Variants in RPIA observed in about 807,000 individuals in gnomAD.
RPIA encodes ribose-5-phosphate isomerase.
Under a neutral mutation model 37.8 loss-of-function variants are expected in RPIA, and 29 were observed. The observed-to-expected ratio is 0.77, with a 90% confidence interval of 0.57 to 1.05. The LOEUF is 1.05. Ranked by LOEUF, RPIA falls within the 50% of genes least tolerant of loss-of-function variation. The pLI is 0.00. For synonymous variants in RPIA, 167 were observed against 157.0 expected (o/e 1.06, Z -0.48); for missense variants, 385 against 413.6 (o/e 0.93, Z 0.60).
chr2:88,740,310 C>A (rs1028496280), intron 8 of RPIA, among the ~76,000 whole-genome samples: 1 of 152,150 alleles, frequency 6.6e-6, no homozygotes, highest in African/African-American at 2.4e-5. Context: ...GAAGCTGCGT[C>A]CTAAAGACGT....
At chr2:88,693,546 G>A (rs951101017) in intron 1 of RPIA, among the ~76,000 whole-genome samples, 11 of 152,176 alleles carry the variant, frequency 7.2e-5, no homozygotes, top group African/African-American at 2.7e-4. Flanking sequence ...TGTGCTTTAT[G>A]TTGTATCTCA....
In RPIA at chr2:88,715,009, T is replaced by G. The variant is rs867521291; in HGVS notation, c.403-14269T>G. Among the ~76,000 whole-genome samples, 11 of 152,292 alleles carry G rather than the reference T, an allele frequency of 7.2e-5. No homozygotes were observed. The South Asian group carries it at 1.0e-3, about 14-fold the overall frequency. ...AGTTTTAAATTAGCCTTTCAACCAG[T>G]CTTCTCTTTTTTTTACTCCTACTGT... On this transcript the variant is annotated intron_variant, in intron 3 of 8. Transcript: ENST00000283646.
intron 1 of RPIA, among the ~76,000 whole-genome samples, chr2:88,693,513 T>TCTGTAGCA (rs747053084): frequency 4.6e-5 from 7 of 152,250 alleles, no homozygotes; most frequent in Non-Finnish European, 8.8e-5. Context: ...CTTCCGTGAT[T>TCTGTAGCA]CTGTAGCACT....
chr2:88,691,955 G>C lies in RPIA; in HGVS notation c.257G>C (p.Gly86Ala). Residue 86 changes from glycine to alanine, a missense_variant, in exon 1 of 9, where the codon GGC (glycine) becomes GCC (alanine). By Grantham distance (60) the Gly-to-Ala change is moderately conservative. Transcript: ENST00000283646. The stretch of plus-strand genomic sequence containing the variant: ...GCCGAGGAGGCCAAGAAGCTGGCGG[G>C]CCGCGCGGCTGTGGAGAACCACGTG... ...SKAEEAKKLAGRAAVENHVRN... is the reference protein window; with the variant it reads ...SKAEEAKKLAARAAVENHVRN... 6.3e-7 allele frequency: 1 copy of C among 1,594,074 alleles called. No homozygotes were observed. The highest frequency in any genetic ancestry group is 8.5e-7 in the Non-Finnish European group (1 of 1,171,338).
chr2:88,699,724 A>G (rs912564304), intron 2 of RPIA, among the ~76,000 whole-genome samples: 24 of 152,222 alleles, frequency 1.6e-4, no homozygotes, highest in Non-Finnish European at 7.3e-5. Context: ...TTAAGAGTTC[A>G]TATATACAAA....
intron 1 of RPIA, among the ~76,000 whole-genome samples, chr2:88,695,190 C>G (rs1445377419): frequency 1.3e-5 from 2 of 152,102 alleles, no homozygotes; most frequent in East Asian, 3.9e-4. Flanking sequence ...CATGTTTTCC[C>G]TGAGTTCTGT....
chr2:88,694,175 C>T (rs1043491813), intron 1 of RPIA, among the ~76,000 whole-genome samples: 1 of 152,242 alleles, frequency 6.6e-6, no homozygotes, highest in Admixed American at 6.5e-5. Flanking sequence ...GCTGTTGGGC[C>T]ACCTCATAGG....
At chr2:88,719,091 T>C (rs1277353215) in intron 3 of RPIA, among the ~76,000 whole-genome samples, 1 of 152,122 alleles carries the variant, frequency 6.6e-6, no homozygotes, top group Non-Finnish European at 1.5e-5. Context: ...GTGAGAAACT[T>C]GTATTCAAGA....
Position 88,719,408 on chromosome 2 carries a change from C to T in RPIA, c.403-9870C>T, listed in dbSNP as rs200866999. Among the ~76,000 whole-genome samples the T allele has an allele frequency of 1.2e-4, 18 of 152,252 alleles. No homozygotes were observed. In the East Asian group the frequency reaches 2.7e-3, roughly 23 times the overall value. On this transcript the variant is annotated intron_variant, in intron 3 of 8. Transcript: ENST00000283646. ...ACCATTTCATATTTGACAATGCTTC[C>T]TGTATAATTTTTATACCAAATAAGC...
intron 3 of RPIA, among the ~76,000 whole-genome samples, chr2:88,724,836 C>T (rs1673177025): frequency 6.6e-6 from 1 of 152,156 alleles, no homozygotes; most frequent in African/African-American, 2.4e-5. Context: ...GCTCACTCTG[C>T]CTTCGGTTCT....
chr2:88,732,728 TAAAAAAAAAAAAA>T (rs75685116), intron 4 of RPIA, among the ~76,000 whole-genome samples: 32 of 2,006 alleles, frequency 0.016, no homozygotes, highest in Non-Finnish European at 0.016. Context: ...TAGAGTATAA[TAAAAAAAAAAAAA>T]AAAAAAAAAA....
intron 7 of RPIA, 55 bp downstream of exon 7, chr2:88,736,731 G>T: frequency 6.3e-7 from 1 of 1,575,784 alleles, no homozygotes; most frequent in Non-Finnish European, 8.7e-7. Context: ...TTTTCAGTGT[G>T]GTGTCCTCCC....
intron 3 of RPIA, among the ~76,000 whole-genome samples, chr2:88,716,541 C>T (rs925459358): frequency 2.0e-5 from 3 of 152,204 alleles, no homozygotes; most frequent in Middle Eastern, 3.2e-3. Context: ...TAAAATAGCA[C>T]TCCTCACCCA....
At chr2:88,692,770 G>A (rs959892664) in intron 1 of RPIA, among the ~76,000 whole-genome samples, 1 of 152,082 alleles carries the variant, frequency 6.6e-6, no homozygotes, top group Non-Finnish European at 1.5e-5. Flanking sequence ...TTTATCTCTC[G>A]TTTCTACTTA....
At chr2:88,740,154 CA>C (rs1488364518) in intron 8 of RPIA, among the ~76,000 whole-genome samples, 1 of 152,130 alleles carries the variant, frequency 6.6e-6, no homozygotes, top group Non-Finnish European at 1.5e-5. Context: ...AAGGGCTCAC[CA>C]ATGTGGCTGC....
intron 3 of RPIA, among the ~76,000 whole-genome samples, chr2:88,707,499 C>G (rs1672912253): frequency 6.6e-6 from 1 of 152,078 alleles, no homozygotes; most frequent in African/African-American, 2.4e-5. Context: ...GTTGGGTGCT[C>G]CAAGTTAAGG....
At chr2:88,714,192 AT>A (rs939439527) in intron 3 of RPIA, among the ~76,000 whole-genome samples, 2 of 150,202 alleles carry the variant, frequency 1.3e-5, no homozygotes, top group Admixed American at 6.6e-5. Context: ...TGTTTTTTAG[AT>A]GGAGTTTCAC....
chr2:88,709,329 A>G (rs1334645397), intron 3 of RPIA, among the ~76,000 whole-genome samples: 1 of 152,232 alleles, frequency 6.6e-6, no homozygotes, highest in African/African-American at 2.4e-5. Flanking sequence ...AATCATAACC[A>G]GTATCTATTT....
chr2:88,742,313 T>C (rs1381507203), intron 8 of RPIA, among the ~76,000 whole-genome samples: 2 of 152,208 alleles, frequency 1.3e-5, no homozygotes, highest in African/African-American at 2.4e-5. Context: ...GGGTGTCCTT[T>C]CCCCCTTGAT....
Sources: allele counts gnomAD v4.1 joint callset (sites outside exome capture counted in the v4.1 genomes callset), GRCh38; gene constraint gnomAD v4.1.1; transcripts MANE v1.5; gene names NCBI Gene and HGNC (gene_info 2026-07-23, HGNC 2026-07-21).